The following RBMS3 variants were observed in gnomAD, a reference collection of about 807,000 sequenced individuals.
RBMS3 encodes the protein RNA-binding motif, single-stranded-interacting protein 3.
In RBMS3, 27 loss-of-function variants were observed where a neutral mutation model predicts 66.8. The observed-to-expected ratio is 0.40, with a 90% CI of 0.30 to 0.56. The LOEUF (loss-of-function observed/expected upper bound fraction) is 0.56. Ranked by LOEUF, RBMS3 falls within the 20% of genes least tolerant of loss-of-function variation. The probability of loss-of-function intolerance (pLI) is 0.40; values close to 1 mark genes in which losing one functional copy is unlikely to be tolerated. For missense variants in RBMS3, 513 were observed against 549.5 expected, an observed-to-expected ratio of 0.93 and a Z score of 0.66; for synonymous variants, 188 against 183.0, an observed-to-expected ratio of 1.03 and a Z score of -0.22.
At chr3:29,459,077 G>A (rs2042286607) in intron 2 of RBMS3, among the ~76,000 whole-genome samples, 1 of 152,150 alleles carries the variant, frequency 6.6e-6, no homozygotes, top group Non-Finnish European at 1.5e-5. Flanking sequence ...TGAAGAAGCT[G>A]CTGGGATGAG....
At chr3:29,970,795 A>T (rs1273386406) in intron 12 of RBMS3, among the ~76,000 whole-genome samples, 1 of 152,170 alleles carries the variant, frequency 6.6e-6, no homozygotes, top group African/African-American at 2.4e-5. Flanking sequence ...TAAAAATCCC[A>T]CTCAGAGTCA....
chr3:29,681,130 T>C (rs1402074594), intron 4 of RBMS3, among the ~76,000 whole-genome samples: 5 of 152,356 alleles, frequency 3.3e-5, no homozygotes, highest in African/African-American at 9.6e-5. Context: ...ACTCTCTTAA[T>C]GAAAATTACA....
intron 3 of RBMS3, among the ~76,000 whole-genome samples, chr3:29,517,307 G>A (rs74801076): frequency 0.044 from 4,571 of 104,638 alleles, 199 homozygotes; most frequent in African/African-American, 0.16. Context: ...GTGTGTGTGT[G>A]TATATATATA....
chr3:29,802,464 T>C (rs958528991), intron 6 of RBMS3, among the ~76,000 whole-genome samples: 1 of 152,180 alleles, frequency 6.6e-6, no homozygotes, highest in African/African-American at 2.4e-5. Context: ...ATTTGATTGT[T>C]TTGATAGTGG....
At chr3:29,739,190 A>T (rs1413028863) in intron 4 of RBMS3, among the ~76,000 whole-genome samples, 2 of 152,210 alleles carry the variant, frequency 1.3e-5, no homozygotes, top group Non-Finnish European at 2.9e-5. Context: ...GTGATGGCTC[A>T]CACCTGTAAT....
At chr3:29,610,125 T>C (rs546195672) in intron 4 of RBMS3, among the ~76,000 whole-genome samples, 2 of 152,198 alleles carry the variant, frequency 1.3e-5, no homozygotes, top group Non-Finnish European at 2.9e-5. Flanking sequence ...ACTTATTTTT[T>C]ATTTGAGGAC....
intron 4 of RBMS3, among the ~76,000 whole-genome samples, chr3:29,634,106 TG>T (rs1325339557): frequency 6.6e-6 from 1 of 151,854 alleles, no homozygotes; most frequent in Non-Finnish European, 1.5e-5. Flanking sequence ...TCACCAACAG[TG>T]TTTTATCATA....
chr3:29,594,624 TA>T (rs1460899954), intron 4 of RBMS3, among the ~76,000 whole-genome samples: 1 of 152,224 alleles, frequency 6.6e-6, no homozygotes, highest in African/African-American at 2.4e-5. Flanking sequence ...TTGAAAATTT[TA>T]AAATTTTCTG....
intron 6 of RBMS3, among the ~76,000 whole-genome samples, chr3:29,846,276 G>A (rs975280757): frequency 1.3e-5 from 2 of 152,056 alleles, no homozygotes; most frequent in African/African-American, 4.8e-5. Context: ...TTGGTGGGGG[G>A]ATATGGATAG....
At chr3:29,617,270 T>A (rs2048704953) in intron 4 of RBMS3, among the ~76,000 whole-genome samples, 1 of 152,198 alleles carries the variant, frequency 6.6e-6, no homozygotes, top group Admixed American at 6.5e-5. Flanking sequence ...TTGTGACTTG[T>A]AAAATGAGCA....
At chr3:29,488,332 T>C in intron 2 of RBMS3, 109 bp from the exon 3 acceptor site, 1 of 794,534 alleles carries the variant, frequency 1.3e-6, no homozygotes, top group Middle Eastern at 3.8e-4. Flanking sequence ...GAGCTTGTTT[T>C]CTTGGTTTAT....
At chr3:29,916,469 G>T (rs2060640396) in intron 10 of RBMS3, among the ~76,000 whole-genome samples, 1 of 151,900 alleles carries the variant, frequency 6.6e-6, no homozygotes, top group South Asian at 2.1e-4. Flanking sequence ...GATATTCCTT[G>T]TATTGCTTTT....
At chr3:29,419,068 C>T in intron 1 of RBMS3, among the ~76,000 whole-genome samples, 1 of 152,130 alleles carries the variant, frequency 6.6e-6, no homozygotes, top group East Asian at 1.9e-4. Flanking sequence ...ACTGGACATT[C>T]TCACAAGAAT....
chr3:29,786,648 A>G (rs911238996), intron 6 of RBMS3, among the ~76,000 whole-genome samples: 5 of 152,186 alleles, frequency 3.3e-5, no homozygotes, highest in African/African-American at 1.2e-4. Context: ...CATGTAGAAG[A>G]ATGAAACTGG....
At chr3:29,725,844 C>G (rs923762859) in intron 4 of RBMS3, among the ~76,000 whole-genome samples, 3 of 152,172 alleles carry the variant, frequency 2.0e-5, no homozygotes, top group African/African-American at 7.2e-5. Flanking sequence ...AGGGAATCCT[C>G]CCTAACTCAC....
At chr3:29,800,775 C>T (rs1008176) in intron 6 of RBMS3, among the ~76,000 whole-genome samples, 64,651 of 151,888 alleles carry the variant, frequency 0.43, 13,965 homozygotes, top group African/African-American at 0.46. Context: ...TGGTGACTGG[C>T]TGACATCTTA....
intron 4 of RBMS3, among the ~76,000 whole-genome samples, chr3:29,734,838 C>T (rs776407361): frequency 6.6e-6 from 1 of 151,998 alleles, no homozygotes; most frequent in African/African-American, 2.4e-5. Context: ...TTTGCATATC[C>T]TTTTATTTTA....
chr3:29,721,520 C>T (rs1397886261), intron 4 of RBMS3, among the ~76,000 whole-genome samples: 1 of 152,086 alleles, frequency 6.6e-6, no homozygotes, highest in Non-Finnish European at 1.5e-5. Context: ...CCCTACAGTG[C>T]AGTTGTTACA....
At chr3:29,413,304 G>A (rs1199425223) in intron 1 of RBMS3, among the ~76,000 whole-genome samples, 1 of 152,094 alleles carries the variant, frequency 6.6e-6, no homozygotes, top group Non-Finnish European at 1.5e-5. Context: ...CAGATGCAGA[G>A]GTTGCAGTGA....
Sources: allele counts gnomAD v4.1 joint callset (sites outside exome capture counted in the v4.1 genomes callset), GRCh38; gene constraint gnomAD v4.1.1; transcripts MANE v1.5; gene names NCBI Gene and HGNC (gene_info 2026-07-23, HGNC 2026-07-21).